Variants in FHIP1A observed in about 807,000 individuals in gnomAD.
FHIP1A encodes FHF complex subunit HOOK-interacting protein 1A.
A neutral mutation model predicts 88.6 loss-of-function variants in FHIP1A; 61 were observed. The observed-to-expected ratio is 0.69, with a 90% confidence interval of 0.56 to 0.85. The LOEUF (loss-of-function observed/expected upper bound fraction) is 0.85, where lower values mean the gene tolerates loss of function less well. Among genes scored for constraint, FHIP1A ranks in the 40% least tolerant of loss-of-function variants. The probability of loss-of-function intolerance (pLI) is 0.00; values close to 1 mark genes in which losing one functional copy is unlikely to be tolerated. For synonymous variants in FHIP1A, 478 were observed against 496.0 expected, an observed-to-expected ratio of 0.96 and a Z score of 0.48; for missense variants, 1,154 against 1,273.5, an observed-to-expected ratio of 0.91 and a Z score of 1.43.
chr4:151,653,267 G>T (rs1207770213), intron 11 of FHIP1A, among the ~76,000 whole-genome samples: 1 of 152,038 alleles, frequency 6.6e-6, no homozygotes, highest in Non-Finnish European at 1.5e-5. Context: ...ATATTTTGTG[G>T]TCCTGAGATG....
intron 5 of FHIP1A, among the ~76,000 whole-genome samples, chr4:151,581,981 C>G (rs571327496): frequency 5.4e-4 from 82 of 152,048 alleles, no homozygotes; most frequent in Admixed American, 1.0e-3. Context: ...TTGGTGCCAA[C>G]AAAAGGATGG....
At chr4:151,489,634 T>C (rs1730211886) in intron 3 of FHIP1A, among the ~76,000 whole-genome samples, 1 of 152,146 alleles carries the variant, frequency 6.6e-6, no homozygotes, top group African/African-American at 2.4e-5. Context: ...AGTGCTGTTA[T>C]CGAGGCATGG....
intron 1 of FHIP1A, among the ~76,000 whole-genome samples, chr4:151,434,337 T>G (rs1283729313): frequency 2.0e-5 from 3 of 152,236 alleles, no homozygotes; most frequent in Non-Finnish European, 4.4e-5. Context: ...TGTTACTTAC[T>G]ATATGAATGA....
At chr4:151,618,199 A>T (rs960967897) in intron 7 of FHIP1A, among the ~76,000 whole-genome samples, 7 of 152,266 alleles carry the variant, frequency 4.6e-5, no homozygotes, top group African/African-American at 1.7e-4. Context: ...GCTAGCACTC[A>T]TCACTATATT....
chr4:151,507,071 A>G (rs553234466), intron 3 of FHIP1A, among the ~76,000 whole-genome samples: 11 of 152,298 alleles, frequency 7.2e-5, no homozygotes, highest in African/African-American at 2.4e-4. Context: ...GCACTGCTTC[A>G]TTAAGTGATT....
At chr4:151,443,415 G>A (rs1410517680) in intron 1 of FHIP1A, among the ~76,000 whole-genome samples, 4 of 152,056 alleles carry the variant, frequency 2.6e-5, no homozygotes, top group African/African-American at 9.7e-5. Context: ...GGATCCTCCC[G>A]CCTCAGCCTC....
At chr4:151,618,992 C>T (rs575521486) in intron 7 of FHIP1A, among the ~76,000 whole-genome samples, 1 of 152,222 alleles carries the variant, frequency 6.6e-6, no homozygotes, top group East Asian at 1.9e-4. Flanking sequence ...GTTATGAACC[C>T]CAGATTGGAG....
chr4:151,633,943 G>A (rs1736251607), intron 8 of FHIP1A, among the ~76,000 whole-genome samples: 1 of 151,882 alleles, frequency 6.6e-6, no homozygotes, highest in Non-Finnish European at 1.5e-5. Flanking sequence ...TTAGGCAAGA[G>A]AAAGAAATAG....
At chr4:151,559,801 T>TA (rs1208849050) in intron 3 of FHIP1A, among the ~76,000 whole-genome samples, 3 of 152,206 alleles carry the variant, frequency 2.0e-5, no homozygotes, top group Non-Finnish European at 2.9e-5. Flanking sequence ...TCTGACTTGA[T>TA]AGTCTGAGTC....
At chr4:151,505,117 C>A (rs1313677141) in intron 3 of FHIP1A, among the ~76,000 whole-genome samples, 2 of 152,088 alleles carry the variant, frequency 1.3e-5, no homozygotes, top group Non-Finnish European at 2.9e-5. Context: ...TCCTGTACTT[C>A]TATCCTAAAA....
intron 3 of FHIP1A, among the ~76,000 whole-genome samples, chr4:151,497,802 C>T (rs1300687276): frequency 6.6e-6 from 1 of 152,260 alleles, no homozygotes; most frequent in Non-Finnish European, 1.5e-5. Flanking sequence ...CTCTTCTCGA[C>T]TCAGCCATGA....
Position 151,414,732 on chromosome 4 carries a change from A to C in FHIP1A, c.-356+5267A>C, listed in dbSNP as rs538888260. On this transcript the variant is annotated intron_variant, in intron 1 of 13. Coordinates refer to ENST00000435205, the MANE Select transcript of FHIP1A (RefSeq NM_001109977.3). ...CCTTCTAAAAGACAGGTAGAGACAA[A>C]TGATATTTTAGAGCTATTATAAAAA... 1.3e-5 allele frequency among the ~76,000 whole-genome samples: 2 copies of C among 152,326 alleles called. 1 individual carries two copies. The highest frequency in any genetic ancestry group is 6.8e-3 in the Middle Eastern group (2 of 294).
In FHIP1A at chr4:151,633,120, G is replaced by T. The variant is rs76160369; in HGVS notation, c.1146+3251G>T. On this transcript the variant is annotated intron_variant, in intron 8 of 13. Coordinates refer to ENST00000435205, the MANE Select transcript of FHIP1A (RefSeq NM_001109977.3). ...GACTCAAATAACTAAAATCAGAAAT[G>T]AGAGAGGCGACATTACACCTTATGC... is the stretch of plus-strand genomic sequence containing the variant. Among the ~76,000 whole-genome samples, 8 of 151,910 alleles carry T rather than the reference G, an allele frequency of 5.3e-5. No homozygotes were observed. The South Asian group carries it at 8.3e-4, about 16-fold the overall frequency.
chr4:151,586,947 A>G, intron 6 of FHIP1A, 148 bp downstream of exon 6: 2 of 554,080 alleles, frequency 3.6e-6, no homozygotes, highest in South Asian at 6.0e-5. Flanking sequence ...ATGTCCTTGA[A>G]TGAGTGAAAA....
At chr4:151,633,935 A>G (rs1736251278) in intron 8 of FHIP1A, among the ~76,000 whole-genome samples, 2 of 151,938 alleles carry the variant, frequency 1.3e-5, no homozygotes, top group Admixed American at 6.6e-5. Context: ...CAGAGCAATT[A>G]GGCAAGAGAA....
In FHIP1A at chr4:151,595,358, A is replaced by G. The variant is rs189009356; in HGVS notation, c.978+6432A>G. Among the ~76,000 whole-genome samples, 7 of 152,234 alleles carry G rather than the reference A, an allele frequency of 4.6e-5. No homozygotes were observed. The East Asian group carries it at 1.4e-3, about 29-fold the overall frequency. ...GTTTTGAGTGAGTTTCTTAATCCTGAGTTCTAATTTGATTGCACTGTGGTT... is the reference window on the plus strand; with the variant it reads ...GTTTTGAGTGAGTTTCTTAATCCTGGGTTCTAATTTGATTGCACTGTGGTT... On this transcript the variant is annotated intron_variant, in intron 7 of 13. Coordinates refer to ENST00000435205, the MANE Select transcript of FHIP1A (RefSeq NM_001109977.3).
At chr4:151,485,978 A>G (rs1198397290) in intron 3 of FHIP1A, among the ~76,000 whole-genome samples, 3 of 152,166 alleles carry the variant, frequency 2.0e-5, no homozygotes, top group Non-Finnish European at 4.4e-5. Flanking sequence ...TTTTCCATGG[A>G]TGACGGGGAT....
intron 4 of FHIP1A, among the ~76,000 whole-genome samples, chr4:151,576,451 A>G (rs1733794738): frequency 6.6e-6 from 1 of 152,048 alleles, no homozygotes; most frequent in Non-Finnish European, 1.5e-5. Context: ...CAAGGCATGC[A>G]CCACCACACC....
intron 6 of FHIP1A, among the ~76,000 whole-genome samples, chr4:151,587,407 A>G (rs896485805): frequency 3.9e-5 from 6 of 152,134 alleles, no homozygotes; most frequent in African/African-American, 1.4e-4. Context: ...AAGTATATTT[A>G]AGGATGTGGT....
Sources: gnomAD v4.1 joint callset for allele counts (sites outside exome capture counted in the v4.1 genomes callset) on GRCh38, gnomAD v4.1.1 for gene constraint, MANE v1.5 for transcripts, NCBI Gene and HGNC (gene_info 2026-07-23, HGNC 2026-07-21) for gene names.